The following LARGE1 variants were observed in gnomAD, a reference collection of about 807,000 sequenced individuals.
LARGE1 encodes the protein LARGE xylosyl- and glucuronyltransferase 1.
A neutral mutation model predicts 87.6 loss-of-function variants in LARGE1; 43 were observed. That is an observed-to-expected ratio of 0.49 (90% CI 0.38 to 0.63). LARGE1 has a LOEUF of 0.63. Among genes scored for constraint, LARGE1 ranks in the 30% least tolerant of loss-of-function variants. The probability of loss-of-function intolerance (pLI) is 0.00; values close to 1 mark genes in which losing one functional copy is unlikely to be tolerated. For missense variants in LARGE1, 802 were observed against 1,000.2 expected (o/e 0.80, Z 2.67); for synonymous variants, 434 against 394.6 (o/e 1.10, Z -1.18).
At chr22:33,816,982 C>T (rs1210168946) in intron 1 of LARGE1, among the ~76,000 whole-genome samples, 1 of 152,056 alleles carries the variant, frequency 6.6e-6, no homozygotes, top group Non-Finnish European at 1.5e-5. Context: ...CAGCTAAGAC[C>T]CTGGGAAGTC....
intron 2 of LARGE1, among the ~76,000 whole-genome samples, chr22:33,721,719 C>G (rs542153992): frequency 2.6e-5 from 4 of 152,204 alleles, no homozygotes; most frequent in African/African-American, 7.2e-5. Flanking sequence ...TTAAAGGTAT[C>G]GTAGAAAAAC....
rs2083322485 is a variant in LARGE1 at position 33,728,000 on chromosome 22, C to G, written c.106+33371G>C. Among the ~76,000 whole-genome samples, 6 of 152,076 alleles carry G rather than the reference C, an allele frequency of 3.9e-5. No homozygotes were observed. In the South Asian group the frequency reaches 1.2e-3, roughly 32 times the overall value. ...AGGTAGATGGATCTGCACTCACAAG[C>G]CCTGATATCAAAGGCCAAGTGTCCA... On this transcript the variant is annotated intron_variant, in intron 2 of 14. Transcript: ENST00000397394.
intron 1 of LARGE1, among the ~76,000 whole-genome samples, chr22:33,834,131 A>G (rs956336201): frequency 2.0e-5 from 3 of 152,304 alleles, no homozygotes; most frequent in Non-Finnish European, 2.9e-5. Flanking sequence ...TACTTACTCA[A>G]CTAATATTTG....
At chr22:33,870,798 C>T (rs922700457) in intron 1 of LARGE1, among the ~76,000 whole-genome samples, 2 of 152,172 alleles carry the variant, frequency 1.3e-5, no homozygotes, top group African/African-American at 4.8e-5. Flanking sequence ...GAACTCCTGA[C>T]CTCAGGTGAT....
chr22:33,431,456 A>C (rs1036399716), intron 7 of LARGE1, among the ~76,000 whole-genome samples: 1 of 152,200 alleles, frequency 6.6e-6, no homozygotes, highest in Non-Finnish European at 1.5e-5. Flanking sequence ...TGTGGTCCTC[A>C]AAAGTGCTGA....
At chr22:33,808,199 A>G (rs552526695) in intron 1 of LARGE1, among the ~76,000 whole-genome samples, 1 of 152,344 alleles carries the variant, frequency 6.6e-6, no homozygotes, top group Admixed American at 6.5e-5. Context: ...GGCCATTCTA[A>G]TAAGTGTGTA....
At chr22:33,116,407 T>G in the LARGE1 span, 2 of 152,290 alleles carry the variant, frequency 1.3e-5, no homozygotes. Flanking sequence ...CAGGCTGGAG[T>G]GCAGTGGCTC....
At chr22:33,803,396 G>A (rs2086221008) in intron 1 of LARGE1, among the ~76,000 whole-genome samples, 1 of 152,164 alleles carries the variant, frequency 6.6e-6, no homozygotes, top group Non-Finnish European at 1.5e-5. Context: ...AGTTTTACAA[G>A]TATGTTGTAC....
chr22:33,566,479 CG>C (rs201863471), intron 5 of LARGE1, among the ~76,000 whole-genome samples: 2 of 152,094 alleles, frequency 1.3e-5, no homozygotes, highest in Admixed American at 1.3e-4. Flanking sequence ...TGGCTCCTTC[CG>C]GGGGGTTCTT....
intron 2 of LARGE1, among the ~76,000 whole-genome samples, chr22:33,676,139 A>C (rs2081570188): frequency 1.3e-5 from 2 of 152,132 alleles, no homozygotes; most frequent in African/African-American, 4.8e-5. Context: ...AAACATCAAA[A>C]AGTGGCTTAT....
intron 4 of LARGE1, among the ~76,000 whole-genome samples, chr22:33,608,258 G>C (rs1376242237): frequency 6.6e-6 from 1 of 152,132 alleles, no homozygotes; most frequent in Non-Finnish European, 1.5e-5. Flanking sequence ...ATAATAAATG[G>C]ACCAAGCTTC....
chr22:33,554,663 T>G (rs1057174102), intron 6 of LARGE1, among the ~76,000 whole-genome samples: 5 of 152,194 alleles, frequency 3.3e-5, no homozygotes, highest in South Asian at 2.1e-4. Context: ...CTGCCAACTC[T>G]TTTTGAAAGT....
In LARGE1 at chr22:33,238,488, A is replaced by T. The variant is rs551484273; in HGVS notation, c.1730+65741T>A. On this transcript the variant is annotated intron_variant, in intron 11 of 11. Transcript: ENST00000608642. ...TAGTGGGAATTAGAACATTTAAACAATCTCATGAGCAAACTTGAGCTAATG... is the reference window on the plus strand; with the variant it reads ...TAGTGGGAATTAGAACATTTAAACATTCTCATGAGCAAACTTGAGCTAATG... Among the ~76,000 whole-genome samples, 22 of 152,316 alleles carry T rather than the reference A, an allele frequency of 1.4e-4. No individual in the cohort carries two copies. In the East Asian group the frequency reaches 4.0e-3, roughly 28 times the overall value.
At chr22:33,702,284 G>A (rs1002917938) in intron 2 of LARGE1, among the ~76,000 whole-genome samples, 6 of 152,220 alleles carry the variant, frequency 3.9e-5, no homozygotes, top group Admixed American at 2.0e-4. Flanking sequence ...TGACCTCTGC[G>A]CCTTAATTTT....
intron 2 of LARGE1, among the ~76,000 whole-genome samples, chr22:33,658,354 G>T (rs780655441): frequency 2.0e-5 from 3 of 152,120 alleles, no homozygotes; most frequent in Non-Finnish European, 4.4e-5. Flanking sequence ...GTAAACATGT[G>T]CCACAGTGGT....
downstream of LARGE1, among the ~76,000 whole-genome samples, chr22:33,161,175 T>G (rs1466417100): frequency 1.3e-5 from 2 of 152,144 alleles, no homozygotes; most frequent in African/African-American, 4.8e-5. Flanking sequence ...TTGTGAGAAC[T>G]CACTCACTAC....
At chr22:33,153,496 A>G in the LARGE1 span, among the ~76,000 whole-genome samples, 1 of 152,334 alleles carries the variant, frequency 6.6e-6, no homozygotes, top group South Asian at 2.1e-4. Context: ...TTATCAATGA[A>G]TTGTATCCAT....
intron 11 of LARGE1, among the ~76,000 whole-genome samples, chr22:33,189,323 A>G (rs1923655724): frequency 6.6e-6 from 1 of 152,130 alleles, no homozygotes; most frequent in South Asian, 2.1e-4. Context: ...GCCAGTACAC[A>G]GTGACTTGGA....
intron 6 of LARGE1, 79 bp from the exon 7 acceptor site, chr22:33,432,344 TA>T (rs2147724169): frequency 9.7e-7 from 1 of 1,034,234 alleles, no homozygotes; most frequent in South Asian, 1.3e-5. Context: ...AGACACAGGG[TA>T]ATGGCAAATC....
Sources: gnomAD v4.1 joint callset for allele counts (sites outside exome capture counted in the v4.1 genomes callset) on GRCh38, gnomAD v4.1.1 for gene constraint, MANE v1.5 for transcripts, NCBI Gene and HGNC (gene_info 2026-07-23, HGNC 2026-07-21) for gene names.